The following LRRTM4 variants were observed in gnomAD, a reference collection of about 807,000 sequenced individuals.
LRRTM4 encodes the protein leucine-rich repeat transmembrane neuronal protein 4.
A neutral mutation model predicts 47.6 loss-of-function variants in LRRTM4; 25 were observed. That is an observed-to-expected ratio of 0.53 (90% CI 0.38 to 0.73). LRRTM4 has a LOEUF of 0.73. LRRTM4 is among the 30% of genes least tolerant of loss of function. The probability of loss-of-function intolerance (pLI) is 0.00; values close to 1 mark genes in which losing one functional copy is unlikely to be tolerated. For synonymous variants in LRRTM4, 311 were observed against 269.5 expected, an observed-to-expected ratio of 1.15 and a Z score of -1.51; for missense variants, 638 against 713.4, an observed-to-expected ratio of 0.89 and a Z score of 1.20.
intron 3 of LRRTM4, among the ~76,000 whole-genome samples, chr2:77,072,093 TTAAAA>T (rs1216465835): frequency 1.3e-5 from 2 of 152,108 alleles, no homozygotes; most frequent in Admixed American, 6.5e-5. Flanking sequence ...TATATATACA[TTAAAA>T]TAAAATTTAT....
chr2:77,198,984 T>C, intron 3 of LRRTM4, among the ~76,000 whole-genome samples: 1 of 152,218 alleles, frequency 6.6e-6, no homozygotes, highest in East Asian at 1.9e-4. Context: ...CTTTGGATCC[T>C]ACCACAGAGT....
chr2:77,444,660 A>T (rs1331830684), intron 3 of LRRTM4, among the ~76,000 whole-genome samples: 1 of 152,046 alleles, frequency 6.6e-6, no homozygotes, highest in African/African-American at 2.4e-5. Context: ...AAATATAAAA[A>T]TCTTTTAATA....
intron 3 of LRRTM4, among the ~76,000 whole-genome samples, chr2:77,060,703 T>C (rs1283190593): frequency 6.6e-6 from 1 of 152,190 alleles, no homozygotes; most frequent in East Asian, 1.9e-4. Context: ...GATTAAAATA[T>C]GGCTTCTGCC....
Position 77,304,515 on chromosome 2 carries a change from G to C in LRRTM4, c.1551+213803C>G, listed in dbSNP as rs192323068. The stretch of plus-strand genomic sequence containing the variant: ...TCCATGAAACAACTGAGAATAAATG[G>C]AAAAAAAATAGTCAGCTGGCAAACC... On this transcript the variant is annotated intron_variant, in intron 3 of 3. Transcript: ENST00000409884. Among the ~76,000 whole-genome samples, 1,336 of 151,466 alleles carry C rather than the reference G, an allele frequency of 8.8e-3. 9 individuals carry two copies. Among genetic ancestry groups the C allele is most frequent in the Non-Finnish European group, 0.014 (929 of 67,776 alleles).
In LRRTM4 at chr2:77,518,771, G is replaced by T. The variant is rs750097089; in HGVS notation, c.1098C>A (p.Val366=). The change falls in exon 3 of 4, where the codon GTC becomes GTA. Residue 366 remains valine, a synonymous_variant. Coordinates refer to ENST00000409884, the MANE Select transcript of LRRTM4 (RefSeq NM_001134745.3). Reference sequence around the variant, plus strand: ...GCACCAGGTGTGATCTTTCTGTGTTGACCACCTGGACTTCAGAACAGATAT... The same window carrying T: ...GCACCAGGTGTGATCTTTCTGTGTTTACCACCTGGACTTCAGAACAGATAT... ...TYNICSEVQV[V]NTERSHLVPQ... The T allele has an allele frequency of 5.6e-6, 9 of 1,613,012 alleles. No individual in the cohort carries two copies. The highest frequency in any genetic ancestry group is 7.6e-6 in the Non-Finnish European group (9 of 1,179,548).
chr2:77,040,879 A>C (rs1460878154), intron 3 of LRRTM4, among the ~76,000 whole-genome samples: 1 of 151,520 alleles, frequency 6.6e-6, no homozygotes, highest in Non-Finnish European at 1.5e-5. Context: ...TGTAATTATC[A>C]AATTAGGATA....
chr2:77,417,186 A>G (rs1273973447), intron 3 of LRRTM4, among the ~76,000 whole-genome samples: 1 of 152,218 alleles, frequency 6.6e-6, no homozygotes, highest in Non-Finnish European at 1.5e-5. Context: ...TCAAAACCAC[A>G]ATGAGATACC....
intron 3 of LRRTM4, among the ~76,000 whole-genome samples, chr2:76,931,740 C>T (rs184256621): frequency 2.6e-5 from 4 of 151,952 alleles, no homozygotes; most frequent in African/African-American, 4.8e-5. Flanking sequence ...TCAGTTCCAA[C>T]GTACTTTTTT....
rs562900584 is a variant in LRRTM4 at position 77,403,903 on chromosome 2, C to T, written c.1551+114415G>A. 7.1e-4 allele frequency among the ~76,000 whole-genome samples: 104 copies of T among 145,992 alleles called. No homozygotes were observed. In the South Asian group the frequency reaches 8.1e-3, roughly 11 times the overall value. On this transcript the variant is annotated intron_variant, in intron 3 of 3. Coordinates refer to ENST00000409884, the MANE Select transcript of LRRTM4 (RefSeq NM_001134745.3). ...ATATATATTTTAGGAAAGGCGATTT[C>T]ATTGAGAGGCTTTTCTTTTTTATTC...
Position 77,078,512 on chromosome 2 carries a change from A to C in LRRTM4, c.1552-329596T>G, listed in dbSNP as rs76731053. Among the ~76,000 whole-genome samples, 7 of 152,228 alleles carry C rather than the reference A, an allele frequency of 4.6e-5. No homozygotes were observed. The East Asian group carries it at 1.4e-3, about 29-fold the overall frequency. Reference sequence around the variant, plus strand: ...TGAGCTGAACTTGTTCTTCATTATAAAGTGTATATATTTTTATAATCAATA... The same window carrying C: ...TGAGCTGAACTTGTTCTTCATTATACAGTGTATATATTTTTATAATCAATA... On this transcript the variant is annotated intron_variant, in intron 3 of 3. Coordinates refer to ENST00000409884, the MANE Select transcript of LRRTM4 (RefSeq NM_001134745.3).
At chr2:76,882,972 A>T (rs1406583132) in intron 3 of LRRTM4, among the ~76,000 whole-genome samples, 1 of 151,952 alleles carries the variant, frequency 6.6e-6, no homozygotes, top group Admixed American at 6.6e-5. Flanking sequence ...TCTTCCTTTC[A>T]ATCTGTGCTG....
At chr2:76,827,099 T>C (rs1350114332) in intron 3 of LRRTM4, among the ~76,000 whole-genome samples, 1 of 151,810 alleles carries the variant, frequency 6.6e-6, no homozygotes, top group Non-Finnish European at 1.5e-5. Flanking sequence ...AATAAAGTGG[T>C]TTCTGATTTT....
chr2:77,308,906 A>G (rs1007284119), intron 3 of LRRTM4, among the ~76,000 whole-genome samples: 1 of 152,158 alleles, frequency 6.6e-6, no homozygotes, highest in Admixed American at 6.6e-5. Flanking sequence ...TACACAAACC[A>G]TGACTCAAGA....
At chr2:77,493,558 G>C (rs991488684) in intron 3 of LRRTM4, among the ~76,000 whole-genome samples, 1 of 151,940 alleles carries the variant, frequency 6.6e-6, no homozygotes, top group African/African-American at 2.4e-5. Flanking sequence ...ATATAGTTGA[G>C]AATCTCTTAA....
At position 77,046,017 on chromosome 2, in the gene LRRTM4, G is replaced by C. The variant is rs150124914; in HGVS notation, c.1552-297101C>G. Among the ~76,000 whole-genome samples, 504 of 151,992 alleles carry C rather than the reference G, an allele frequency of 3.3e-3. 1 individual carries two copies. Among genetic ancestry groups the C allele is most frequent in the African/African-American group, 0.012 (479 of 41,510 alleles). On this transcript the variant is annotated intron_variant, in intron 3 of 3. Coordinates refer to ENST00000409884, the MANE Select transcript of LRRTM4 (RefSeq NM_001134745.3). ...TTCTTTTAATTATATTAACTTGCTA[G>C]AGAAACCAAATTCACTGTCTTAAAG...
chr2:77,511,183 TA>T (rs1305095307), intron 3 of LRRTM4, among the ~76,000 whole-genome samples: 1 of 152,094 alleles, frequency 6.6e-6, no homozygotes, highest in Non-Finnish European at 1.5e-5. Context: ...TTTCTGTCAT[TA>T]AATTCCTTTT....
At chr2:77,437,809 G>C (rs1675663066) in intron 3 of LRRTM4, among the ~76,000 whole-genome samples, 1 of 152,000 alleles carries the variant, frequency 6.6e-6, no homozygotes, top group Admixed American at 6.6e-5. Flanking sequence ...AATAAATAAA[G>C]ACCTATTTGC....
At chr2:76,878,781 G>A (rs1445901602) in intron 3 of LRRTM4, among the ~76,000 whole-genome samples, 1 of 152,118 alleles carries the variant, frequency 6.6e-6, no homozygotes, top group Non-Finnish European at 1.5e-5. Flanking sequence ...GGCTGAGGCA[G>A]GAGAATCGCT....
intron 3 of LRRTM4, among the ~76,000 whole-genome samples, chr2:76,823,376 A>G (rs72815487): frequency 0.02 from 2,967 of 151,548 alleles, 59 homozygotes; most frequent in East Asian, 0.093. Flanking sequence ...AACACATACA[A>G]TGAGACAAAC....
Sources: allele counts gnomAD v4.1 joint callset (sites outside exome capture counted in the v4.1 genomes callset), GRCh38; gene constraint gnomAD v4.1.1; transcripts MANE v1.5; gene names NCBI Gene and HGNC (gene_info 2026-07-23, HGNC 2026-07-21).